PLB1: variants seen among roughly 807,000 people sequenced by gnomAD.
The protein encoded by PLB1 is phospholipase B1, membrane-associated.
PLB1 carries 242 observed loss-of-function variants against 227.4 expected under a neutral mutation model. The observed-to-expected ratio is 1.06, with a 90% CI of 0.96 to 1.18. The LOEUF is 1.18. PLB1 is among the 50% of genes most tolerant of loss of function. The pLI is 0.00. For synonymous variants in PLB1, 757 were observed against 682.2 expected, an observed-to-expected ratio of 1.11 and a Z score of -1.71; for missense variants, 1,858 against 1,816.3, an observed-to-expected ratio of 1.02 and a Z score of -0.42.
At chr2:28,591,910 C>G in intron 31 of PLB1, 150 bp downstream of exon 31, 1 of 750,124 alleles carries the variant, frequency 1.3e-6, no homozygotes, top group South Asian at 1.7e-5. Flanking sequence ...GGATGAGTCC[C>G]TGTTTCGCAC....
At chr2:28,560,256 G>A (rs1007313497) in intron 17 of PLB1, among the ~76,000 whole-genome samples, 3 of 152,158 alleles carry the variant, frequency 2.0e-5, no homozygotes, top group East Asian at 1.9e-4. Context: ...GAAGCACATC[G>A]GCAAAGGTAG....
chr2:28,557,747 G>T (rs1416440943), intron 17 of PLB1, among the ~76,000 whole-genome samples: 1 of 152,192 alleles, frequency 6.6e-6, no homozygotes, highest in African/African-American at 2.4e-5. Flanking sequence ...TAGCTAATCA[G>T]CCCACACAAA....
chr2:28,529,461 C>A, intron 7 of PLB1, 54 bp downstream of exon 7: 1 of 1,415,168 alleles, frequency 7.1e-7, no homozygotes, highest in Non-Finnish European at 1.0e-6. Context: ...TGGTCTTCAA[C>A]ATATAGGTGG....
At chr2:28,642,132 C>G (rs1200178547) in intron 57 of PLB1, among the ~76,000 whole-genome samples, 1 of 152,226 alleles carries the variant, frequency 6.6e-6, no homozygotes, top group East Asian at 1.9e-4. Flanking sequence ...CCTACCATTC[C>G]TGTCTCCAGA....
At chr2:28,638,810 A>G (rs78947314) in intron 56 of PLB1, among the ~76,000 whole-genome samples, 3,025 of 145,006 alleles carry the variant, frequency 0.021, 92 homozygotes, top group African/African-American at 0.063. Flanking sequence ...TCACAGAGGA[A>G]GTCAAGGCTG....
intron 23 of PLB1, among the ~76,000 whole-genome samples, chr2:28,581,433 T>C (rs1679921223): frequency 6.6e-6 from 1 of 150,752 alleles, no homozygotes; most frequent in Non-Finnish European, 1.5e-5. Context: ...GGAGATGTGA[T>C]GCTTTGGCTC....
chr2:28,512,677 TTTTC>T lies in PLB1; in HGVS notation c.56-4124_56-4121del, dbSNP rs1273913594. 4.0e-5 allele frequency among the ~76,000 whole-genome samples: 6 copies of T among 149,904 alleles called. No homozygotes were observed. In the East Asian group the frequency reaches 1.2e-3, roughly 29 times the overall value. On this transcript the variant is annotated intron_variant, in intron 1 of 57. Transcript: ENST00000327757. ...CCACTGATGTCTTTGCTCAGTTTTT[TTTTC>T]TTTCTTCTTTTTTTTTTTTTGTTGG...
chr2:28,640,995 C>T lies in PLB1; in HGVS notation c.4167C>T (p.Pro1389=), dbSNP rs768851270. Residue 1389 remains proline, a synonymous_variant, in exon 57 of 58, where the codon CCC becomes CCT. Coordinates refer to ENST00000327757, the MANE Select transcript of PLB1 (RefSeq NM_153021.5). The part of the protein sequence containing the change: ...FTHSRAKLKC[P]SPESPYLYTL... ...ACAGCCGAGCCAAACTCAAGTGCCC[C>T]TCTCCTGTGAGTAAACGTCCTGCCT... 2 of 1,613,538 alleles carry T rather than the reference C, an allele frequency of 1.2e-6. No homozygotes were observed. The highest frequency in any genetic ancestry group is 1.1e-5 in the South Asian group (1 of 90,924).
chr2:28,597,748 C>T (rs1683198105), intron 33 of PLB1, among the ~76,000 whole-genome samples: 1 of 152,294 alleles, frequency 6.6e-6, no homozygotes, highest in African/African-American at 2.4e-5. Flanking sequence ...ATAGTATATA[C>T]TCAGCTAAGC....
At chr2:28,500,211 C>G (rs888381792) in intron 1 of PLB1, among the ~76,000 whole-genome samples, 2 of 152,228 alleles carry the variant, frequency 1.3e-5, no homozygotes, top group African/African-American at 4.8e-5. Context: ...AATCTCTTTT[C>G]ATCAAGAATA....
intron 53 of PLB1, among the ~76,000 whole-genome samples, chr2:28,629,632 C>T (rs149721885): frequency 3.9e-5 from 6 of 152,308 alleles, no homozygotes; most frequent in Admixed American, 3.9e-4. Context: ...GGGGTGATGA[C>T]ACCTTCCCTG....
intron 22 of PLB1, 84 bp from the exon 23 acceptor site, chr2:28,579,543 C>T: frequency 1.8e-6 from 2 of 1,107,854 alleles, no homozygotes; most frequent in Non-Finnish European, 2.7e-6. Context: ...GAGGACCCAT[C>T]TTTTCTAGTT....
At chr2:28,578,559 G>A (rs1327336844) in intron 22 of PLB1, among the ~76,000 whole-genome samples, 1 of 152,132 alleles carries the variant, frequency 6.6e-6, no homozygotes, top group Non-Finnish European at 1.5e-5. Context: ...TTGAAAAGGA[G>A]ATTTTGGCTG....
At chr2:28,520,496 A>G (rs1325448674) in intron 4 of PLB1, among the ~76,000 whole-genome samples, 1 of 152,178 alleles carries the variant, frequency 6.6e-6, no homozygotes, top group Admixed American at 6.5e-5. Flanking sequence ...ACCATCTGTA[A>G]GTGTATAGTT....
chr2:28,593,615 T>G, intron 32 of PLB1, 66 bp from the exon 33 acceptor site: 2 of 1,378,324 alleles, frequency 1.5e-6, no homozygotes, highest in Non-Finnish European at 2.1e-6. Flanking sequence ...GGAAGCCCTG[T>G]GCATTCACAG....
intron 26 of PLB1, among the ~76,000 whole-genome samples, chr2:28,586,757 T>C (rs1465209555): frequency 1.3e-5 from 2 of 152,166 alleles, no homozygotes; most frequent in East Asian, 1.9e-4. Context: ...TTTATATATT[T>C]ATCTATTTGA....
chr2:28,636,033 GTGTGTGTGTATGTA>G (rs142246340), intron 56 of PLB1, among the ~76,000 whole-genome samples: 13 of 149,692 alleles, frequency 8.7e-5, no homozygotes, highest in African/African-American at 3.2e-4. Flanking sequence ...GTGTGTATGT[GTGTGTGTGTATGTA>G]TGTGTATGTG....
chr2:28,511,966 T>C (rs1668327848), intron 1 of PLB1, among the ~76,000 whole-genome samples: 1 of 150,636 alleles, frequency 6.6e-6, no homozygotes, highest in African/African-American at 2.4e-5. Context: ...TTTTTTTTTT[T>C]TTTTAGTAGA....
At chr2:28,537,339 G>C (rs541820583) in intron 9 of PLB1, among the ~76,000 whole-genome samples, 1 of 152,268 alleles carries the variant, frequency 6.6e-6, no homozygotes, top group African/African-American at 2.4e-5. Flanking sequence ...CCAGTCTGCT[G>C]TTTGTTAGGG....
Sources: gnomAD v4.1 joint callset for allele counts (sites outside exome capture counted in the v4.1 genomes callset) on GRCh38, gnomAD v4.1.1 for gene constraint, MANE v1.5 for transcripts, NCBI Gene and HGNC (gene_info 2026-07-23, HGNC 2026-07-21) for gene names.